Variants in HERC1 observed in about 807,000 individuals in gnomAD.
HERC1 encodes probable E3 ubiquitin-protein ligase HERC1.
Under a neutral mutation model 554.3 loss-of-function variants are expected in HERC1, and 160 were observed. The observed-to-expected ratio is 0.29, with a 90% CI of 0.25 to 0.33. The LOEUF (loss-of-function observed/expected upper bound fraction) is 0.33, where lower values mean the gene tolerates loss of function less well. Ranked by LOEUF, HERC1 falls within the 10% of genes least tolerant of loss-of-function variation. The probability of loss-of-function intolerance (pLI) is 1.00; values close to 1 mark genes in which losing one functional copy is unlikely to be tolerated. For synonymous variants in HERC1, 2,175 were observed against 2,131.7 expected (o/e 1.02, Z -0.56); for missense variants, 4,919 against 5,918.5 (o/e 0.83, Z 5.54).
intron 1 of HERC1, among the ~76,000 whole-genome samples, chr15:63,783,790 G>T (rs771388637): frequency 6.6e-6 from 1 of 152,128 alleles, no homozygotes; most frequent in African/African-American, 2.4e-5. Context: ...TGATCGGGCC[G>T]GGTGCAGTGG....
chr15:63,716,233 T>A, intron 22 of HERC1, 69 bp downstream of exon 22: 1 of 1,422,324 alleles, frequency 7.0e-7, no homozygotes, highest in Non-Finnish European at 9.6e-7. Flanking sequence ...GCCTTTCTCT[T>A]TCAAGTTAGT....
intron 22 of HERC1, among the ~76,000 whole-genome samples, chr15:63,714,335 G>A (rs897239610): frequency 2.6e-5 from 4 of 151,964 alleles, no homozygotes; most frequent in Non-Finnish European, 5.9e-5. Flanking sequence ...GTCACTAAAG[G>A]TCTTTGCTGA....
chr15:63,731,269 A>G (rs1277561099), intron 14 of HERC1, among the ~76,000 whole-genome samples: 1 of 152,220 alleles, frequency 6.6e-6, no homozygotes, highest in Non-Finnish European at 1.5e-5. Flanking sequence ...TATACAAGAC[A>G]ATATGAGAAC....
In HERC1 at chr15:63,643,084, C is replaced by T. The variant is rs148219329; in HGVS notation, c.11332-26G>A. 2.8e-3 allele frequency: 3,782 copies of T among 1,334,118 alleles called. 10 individuals are homozygous for T. The highest frequency in any genetic ancestry group is 3.5e-3 in the Non-Finnish European group (3,277 of 929,396). 82.6% of individuals were successfully genotyped at this position (1,334,118 alleles called of 1,614,324 possible). On this transcript the variant is annotated intron_variant, in intron 58 of 77. Coordinates refer to ENST00000443617, the MANE Select transcript of HERC1 (RefSeq NM_003922.4). ...CTAAAATGAGATATATTTACCAATACACACCATTGAACTGTAGGTATAATT... is the reference window on the plus strand; with the variant it reads ...CTAAAATGAGATATATTTACCAATATACACCATTGAACTGTAGGTATAATT...
chr15:63,625,956 C>T, intron 71 of HERC1, 29 bp downstream of exon 71: 1 of 1,588,682 alleles, frequency 6.3e-7, no homozygotes, highest in Non-Finnish European at 8.6e-7. Context: ...CCAGTCTGTG[C>T]CTGGCTGCTT....
intron 48 of HERC1, 134 bp downstream of exon 48, chr15:63,658,410 G>A (rs2070167737): frequency 1.4e-5 from 9 of 655,748 alleles, no homozygotes; most frequent in Middle Eastern, 4.3e-4. Flanking sequence ...CAATGACTAC[G>A]TCTAACATCT....
chr15:63,702,738 G>A (rs1470018840), intron 25 of HERC1, among the ~76,000 whole-genome samples: 1 of 152,138 alleles, frequency 6.6e-6, no homozygotes, highest in Non-Finnish European at 1.5e-5. Flanking sequence ...GTTTATAAAT[G>A]TTTACTAAAT....
intron 37 of HERC1, among the ~76,000 whole-genome samples, chr15:63,676,170 G>A (rs114055745): frequency 0.014 from 2,185 of 152,098 alleles, 45 homozygotes; most frequent in African/African-American, 0.05. Context: ...CCAAACTGCC[G>A]GGATTACAAG....
At chr15:63,789,092 T>C (rs61431709) in intron 1 of HERC1, among the ~76,000 whole-genome samples, 5 of 68,046 alleles carry the variant, frequency 7.3e-5, no homozygotes, top group African/African-American at 2.7e-4. Flanking sequence ...TTTTTTTTTT[T>C]TTTTTTTTTT....
At chr15:63,735,260 T>C (rs1341243762) in intron 12 of HERC1, among the ~76,000 whole-genome samples, 1 of 151,990 alleles carries the variant, frequency 6.6e-6, no homozygotes, top group Non-Finnish European at 1.5e-5. Flanking sequence ...AGGAACTTGC[T>C]TGAGCACACA....
intron 40 of HERC1, among the ~76,000 whole-genome samples, chr15:63,667,561 A>G (rs1221851010): frequency 6.6e-6 from 1 of 152,252 alleles, no homozygotes; most frequent in African/African-American, 2.4e-5. Flanking sequence ...TCCAAAACAA[A>G]TAATAATTTA....
In HERC1 at chr15:63,752,977, G is replaced by T. The variant is rs1403850580; in HGVS notation, c.1883C>A (p.Ala628Asp). 1 of 1,613,486 alleles carries T rather than the reference G, an allele frequency of 6.2e-7. No individual in the cohort carries two copies. Among genetic ancestry groups the T allele is most frequent in the Admixed American group, 1.7e-5 (1 of 59,970 alleles). Residue 628 changes from alanine (A) to aspartate (D), a missense_variant, in exon 8 of 78, where the codon GCT becomes GAT. By Grantham distance (126) the Ala-to-Asp change is moderately radical. Around this residue, in one of 11 missense-constraint regions of HERC1, gnomAD observed 744 missense variants for 1,090.0 expected, o/e 0.68. Transcript: ENST00000443617. ...KVCAGSQSSLALTSTGQVYAW... is the reference protein window; with the variant it reads ...KVCAGSQSSLDLTSTGQVYAW... ...TCCTACCTGCCCTGTTGATGTCAAAGCAAGTGAAGACTGGCTCCCAGCACA... is the reference window on the plus strand; with the variant it reads ...TCCTACCTGCCCTGTTGATGTCAAATCAAGTGAAGACTGGCTCCCAGCACA...
At chr15:63,662,903 G>C in intron 44 of HERC1, 81 bp downstream of exon 44, 1 of 1,064,976 alleles carries the variant, frequency 9.4e-7, no homozygotes, top group Non-Finnish European at 1.4e-6. Flanking sequence ...TTCAACTCTA[G>C]GCAAGGCTGC....
chr15:63,618,635 G>C (rs548390450), intron 74 of HERC1, among the ~76,000 whole-genome samples: 1 of 152,282 alleles, frequency 6.6e-6, no homozygotes, highest in East Asian at 1.9e-4. Flanking sequence ...CTACCCATGA[G>C]CATGGAATGT....
Position 63,615,883 on chromosome 15 carries a change from TC to T in HERC1, c.13978del (p.Asp4660MetfsTer7). ...AGGGATTATAGGAACCATTTTGCCA[TC>T]AGCACTCTGGCCAACAAAAGAATCA... ...PLDSFVGQSA[D>X]GKMVPIIPGG... On this transcript the variant is annotated frameshift_variant, in exon 76 of 78. Transcript: ENST00000443617. LOFTEE classifies it high-confidence loss of function. 6.2e-7 allele frequency: 1 copy of T among 1,601,840 alleles called. No individual in the cohort carries two copies. Among genetic ancestry groups the T allele is most frequent in the Admixed American group, 1.7e-5 (1 of 57,454 alleles).
At chr15:63,719,006 C>G in intron 19 of HERC1, 109 bp from the exon 20 acceptor site, 1 of 708,250 alleles carries the variant, frequency 1.4e-6, no homozygotes, top group African/African-American at 1.8e-5. Flanking sequence ...TCTTTCTAAA[C>G]TGTTACTTAA....
intron 40 of HERC1, among the ~76,000 whole-genome samples, chr15:63,668,782 G>GA (rs1248655937): frequency 6.6e-6 from 1 of 152,024 alleles, no homozygotes; most frequent in Non-Finnish European, 1.5e-5. Context: ...ATATGAAACA[G>GA]AAACTGAAAA....
chr15:63,725,257 G>A (rs1414097501), intron 18 of HERC1, 35 bp downstream of exon 18: 1 of 1,556,172 alleles, frequency 6.4e-7, no homozygotes, highest in Non-Finnish European at 8.8e-7. Flanking sequence ...GTACAAACAG[G>A]CATGTATTTT....
intron 42 of HERC1, among the ~76,000 whole-genome samples, 168 bp from the exon 43 acceptor site, chr15:63,664,762 T>A (rs1037251395): frequency 6.6e-6 from 1 of 152,218 alleles, no homozygotes; most frequent in Admixed American, 6.5e-5. Flanking sequence ...ATTATGCATA[T>A]AACATTTCCT....
Sources: gnomAD v4.1 joint callset for allele counts (sites outside exome capture counted in the v4.1 genomes callset) on GRCh38, gnomAD v4.1.1 for gene constraint, gnomAD v4.1.1 regional missense constraint, MANE v1.5 for transcripts, NCBI Gene and HGNC (gene_info 2026-07-23, HGNC 2026-07-21) for gene names.